ZFYVE16: variants seen among roughly 807,000 people sequenced by gnomAD.
ZFYVE16 encodes the protein zinc finger FYVE domain-containing protein 16.
A neutral mutation model predicts 138.1 loss-of-function variants in ZFYVE16; 89 were observed. The observed-to-expected ratio is 0.64, with a 90% CI of 0.54 to 0.77. ZFYVE16 has a LOEUF of 0.77. ZFYVE16 is among the 30% of genes least tolerant of loss of function. The probability of loss-of-function intolerance (pLI) is 0.00; values close to 1 mark genes in which losing one functional copy is unlikely to be tolerated. For missense variants in ZFYVE16, 1,793 were observed against 1,786.7 expected (o/e 1.00, Z -0.06); for synonymous variants, 596 against 618.3 (o/e 0.96, Z 0.53).
At chr5:80,410,613 CA>C (rs927371975) in intron 1 of ZFYVE16, among the ~76,000 whole-genome samples, 22 of 151,678 alleles carry the variant, frequency 1.5e-4, no homozygotes, top group African/African-American at 4.6e-4. Context: ...GCTCTTTCGC[CA>C]GGCTGGAGTG....
intron 5 of ZFYVE16, chr5:80,440,856 G>C: frequency 1.0e-6 from 1 of 985,016 alleles, no homozygotes; most frequent in Non-Finnish European, 1.2e-6. Context: ...GTTAGCCAGG[G>C]GAATGAATAC....
chr5:80,419,760 A>C lies in ZFYVE16; in HGVS notation c.-93-7732A>C, dbSNP rs145418004. ...TTGCTAGGATTTTAGTTGGGATTGC[A>C]CAAGAATCTAGAGATCAGGTTGGGA... On this transcript the variant is annotated intron_variant, in intron 1 of 18. Transcript: ENST00000505560. Among the ~76,000 whole-genome samples the C allele has an allele frequency of 6.2e-3, 948 of 152,050 alleles. 10 individuals are homozygous for C. The highest frequency in any genetic ancestry group is 0.021 in the African/African-American group (876 of 41,480).
rs140823634 is a variant in ZFYVE16 at position 80,438,874 on chromosome 5, C to T, written c.2189C>T (p.Thr730Ile). Residue 730 changes from threonine to isoleucine, a missense_variant, in exon 4 of 19, where the codon ACT (threonine) becomes ATT (isoleucine). Around this residue, in one of 2 missense-constraint regions of ZFYVE16, gnomAD observed 1,295 missense variants for 1,204.3 expected, o/e 1.08. Transcript: ENST00000505560. The part of the protein sequence containing the change: ...TANEDSVPEN[T>I]CKEGLVLGQK... Reference sequence around the variant, plus strand: ...AATGAAGATTCTGTACCTGAAAACACTTGCAAAGAAGGCTTGGTTTTGGGC... The same window carrying T: ...AATGAAGATTCTGTACCTGAAAACATTTGCAAAGAAGGCTTGGTTTTGGGC... 23 of 1,614,094 alleles carry T rather than the reference C, an allele frequency of 1.4e-5. No individual in the cohort carries two copies. In the East Asian group the frequency reaches 4.5e-4, roughly 31 times the overall value.
chr5:80,426,270 G>GCATA (rs1748036961), intron 1 of ZFYVE16, among the ~76,000 whole-genome samples: 1 of 94,966 alleles, frequency 1.1e-5, no homozygotes, highest in Admixed American at 1.2e-4. Context: ...GTGTGTGTGT[G>GCATA]TGTATATATA....
At position 80,473,832 on chromosome 5, in the gene ZFYVE16, C is replaced by T. The variant is rs566806633; in HGVS notation, c.4266C>T (p.Thr1422=). 1.9e-5 allele frequency: 30 copies of T among 1,612,702 alleles called. No individual in the cohort carries two copies. Among genetic ancestry groups the T allele is most frequent in the Middle Eastern group, 3.3e-4 (2 of 6,052 alleles). Residue 1422 remains threonine, a synonymous_variant, in exon 17 of 19, where the codon ACC becomes ACT. Coordinates refer to ENST00000505560, the MANE Select transcript of ZFYVE16 (RefSeq NM_001284236.3). ...EKIKLEADFE[T]DEKIVKCTEV... is the part of the protein sequence containing the mutation. ...TAAAACTGGAAGCAGATTTTGAAAC[C>T]GATGAGAAGATTGTAAAATGTACCG...
In ZFYVE16 at chr5:80,482,550, T is replaced by G. The variant is rs2112583265; in HGVS notation, c.*5173T>G. Reference sequence around the variant, plus strand: ...GCAAAAAACAAATATTCACATACATTTACATAGCATTCTATTTAAAGCCGG... The same window carrying G: ...GCAAAAAACAAATATTCACATACATGTACATAGCATTCTATTTAAAGCCGG... On this transcript the variant is annotated 3_prime_UTR_variant, in exon 19 of 19. Transcript: ENST00000505560. The G allele has an allele frequency of 6.6e-6, 1 of 152,252 alleles. No individual in the cohort carries two copies. The highest frequency in any genetic ancestry group is 6.5e-5 in the Admixed American group (1 of 15,306). 9.4% of individuals were successfully genotyped at this position (152,252 alleles called of 1,614,324 possible). A position where few individuals can be genotyped will look rare whatever the true frequency, so the allele number is the denominator to read the frequency against.
chr5:80,444,769 G>A (rs1751113486), intron 6 of ZFYVE16, among the ~76,000 whole-genome samples: 1 of 151,024 alleles, frequency 6.6e-6, no homozygotes, highest in African/African-American at 2.4e-5. Context: ...ATATATATAT[G>A]AAGAATATAT....
chr5:80,422,849 A>T (rs1425594748), intron 1 of ZFYVE16, among the ~76,000 whole-genome samples: 1 of 152,226 alleles, frequency 6.6e-6, no homozygotes, highest in South Asian at 2.1e-4. Context: ...TGAAATGTTG[A>T]ACCAGCCTTG....
intron 15 of ZFYVE16, among the ~76,000 whole-genome samples, chr5:80,460,238 A>G (rs1752959101): frequency 3.3e-5 from 5 of 152,284 alleles, no homozygotes; most frequent in African/African-American, 1.2e-4. Flanking sequence ...TAATAAGCAG[A>G]GCATCCTATT....
At chr5:80,470,478 C>T (rs143140723) in intron 15 of ZFYVE16, among the ~76,000 whole-genome samples, 18 of 151,918 alleles carry the variant, frequency 1.2e-4, no homozygotes, top group Admixed American at 5.2e-4. Context: ...CTTCATTTGC[C>T]GAAGGGGTCA....
At chr5:80,423,672 A>T (rs1349035855) in intron 1 of ZFYVE16, among the ~76,000 whole-genome samples, 1 of 152,030 alleles carries the variant, frequency 6.6e-6, no homozygotes, top group Non-Finnish European at 1.5e-5. Context: ...GGTAGCTGGG[A>T]CTACGGGCAC....
chr5:80,435,125 C>G (rs1450596155), intron 3 of ZFYVE16, among the ~76,000 whole-genome samples: 1 of 152,202 alleles, frequency 6.6e-6, no homozygotes, highest in African/African-American at 2.4e-5. Context: ...ACTTCTGCCT[C>G]CCAGGTTCAA....
rs370694610 is a variant in ZFYVE16 at position 80,420,981 on chromosome 5, C to T, written c.-93-6511C>T. 8.5e-5 allele frequency among the ~76,000 whole-genome samples: 13 copies of T among 152,138 alleles called. No homozygotes were observed. In the East Asian group the frequency reaches 1.5e-3, roughly 18 times the overall value. ...TGTTGTTTCCTGACTTTTTAATGATCGCCATTCTAACTGGTGTGAGACGGT... is the reference window on the plus strand; with the variant it reads ...TGTTGTTTCCTGACTTTTTAATGATTGCCATTCTAACTGGTGTGAGACGGT... On this transcript the variant is annotated intron_variant, in intron 1 of 18. Coordinates refer to ENST00000505560, the MANE Select transcript of ZFYVE16 (RefSeq NM_001284236.3).
chr5:80,480,813 C>T lies in ZFYVE16; in HGVS notation c.*3436C>T, dbSNP rs1027424645. ...GCTCATACTTGTGGTCCCAGCTTCA[C>T]GGGGGCTGAGGTGGGAGGATCACTT... is the stretch of plus-strand genomic sequence containing the variant. On this transcript the variant is annotated 3_prime_UTR_variant, in exon 19 of 19. Coordinates refer to ENST00000505560, the MANE Select transcript of ZFYVE16 (RefSeq NM_001284236.3). Among the ~76,000 whole-genome samples the T allele has an allele frequency of 6.6e-6, 1 of 151,884 alleles. No individual in the cohort carries two copies. Among genetic ancestry groups the T allele is most frequent in the African/African-American group, 2.4e-5 (1 of 41,340 alleles).
At chr5:80,446,251 C>T (rs1487668780) in intron 7 of ZFYVE16, among the ~76,000 whole-genome samples, 3 of 152,180 alleles carry the variant, frequency 2.0e-5, no homozygotes, top group South Asian at 2.1e-4. Flanking sequence ...ACACTTTCAG[C>T]TTCAGGACCC....
chr5:80,416,850 C>T (rs776961868), intron 1 of ZFYVE16, among the ~76,000 whole-genome samples: 1 of 151,876 alleles, frequency 6.6e-6, no homozygotes, highest in Non-Finnish European at 1.5e-5. Context: ...TGTTCGTTGC[C>T]CCTGGGATGT....
At chr5:80,455,800 G>T in intron 12 of ZFYVE16, 26 bp downstream of exon 12, 1 of 1,530,664 alleles carries the variant, frequency 6.5e-7, no homozygotes, top group Non-Finnish European at 8.8e-7. Flanking sequence ...ATTTTATTAG[G>T]TATTTTTATA....
Position 80,437,579 on chromosome 5 carries a change from G to A in ZFYVE16, c.894G>A (p.Lys298=). 1 of 1,614,056 alleles carries A rather than the reference G, an allele frequency of 6.2e-7. No individual in the cohort carries two copies. Among genetic ancestry groups the A allele is most frequent in the Non-Finnish European group, 8.5e-7 (1 of 1,179,992 alleles). ...TAAECLKEEG[K]TSALTCSLPK... ...CAGAATGTTTAAAAGAAGAGGGCAA[G>A]ACAAGTGCTTTGACCTGCAGCCTTC... Residue 298 remains lysine, a synonymous_variant, in exon 4 of 19, where the codon AAG becomes AAA. Coordinates refer to ENST00000505560, the MANE Select transcript of ZFYVE16 (RefSeq NM_001284236.3).
At chr5:80,462,154 TA>T (rs971372906) in intron 15 of ZFYVE16, among the ~76,000 whole-genome samples, 5 of 152,352 alleles carry the variant, frequency 3.3e-5, no homozygotes, top group Middle Eastern at 3.4e-3. Flanking sequence ...ATTTTCTAAT[TA>T]TTTTTAAATC....
Sources: gnomAD v4.1 joint callset for allele counts (sites outside exome capture counted in the v4.1 genomes callset) on GRCh38, gnomAD v4.1.1 for gene constraint, gnomAD v4.1.1 regional missense constraint, MANE v1.5 for transcripts, NCBI Gene and HGNC (gene_info 2026-07-23, HGNC 2026-07-21) for gene names.